Variants in SGMS1 observed in about 807,000 individuals in gnomAD.
SGMS1 encodes phosphatidylcholine:ceramide cholinephosphotransferase 1.
Under a neutral mutation model 46.2 loss-of-function variants are expected in SGMS1, and 13 were observed. The observed-to-expected ratio is 0.28, with a 90% CI of 0.18 to 0.45. The LOEUF (loss-of-function observed/expected upper bound fraction) is 0.45, where lower values mean the gene tolerates loss of function less well. SGMS1 is among the 20% of genes least tolerant of loss of function. SGMS1 has a pLI of 1.00. For synonymous variants in SGMS1, 203 were observed against 187.8 expected, an observed-to-expected ratio of 1.08 and a Z score of -0.66; for missense variants, 324 against 519.9, an observed-to-expected ratio of 0.62 and a Z score of 3.66.
At chr10:50,528,361 C>T (rs191626685) in intron 2 of SGMS1, among the ~76,000 whole-genome samples, 9 of 152,296 alleles carry the variant, frequency 5.9e-5, no homozygotes, top group African/African-American at 1.4e-4. Context: ...AAAAACCACT[C>T]GGGGGTTTGT....
chr10:50,371,195 T>C (rs946564364), intron 6 of SGMS1, among the ~76,000 whole-genome samples: 6 of 152,318 alleles, frequency 3.9e-5, no homozygotes, highest in Admixed American at 3.9e-4. Context: ...TATATAGGTT[T>C]TTTCATCTGT....
chr10:50,366,679 T>C (rs948106291), intron 6 of SGMS1, among the ~76,000 whole-genome samples: 2 of 152,142 alleles, frequency 1.3e-5, no homozygotes, highest in African/African-American at 4.8e-5. Flanking sequence ...GAAACGATCA[T>C]TCTCAGCAAA....
At chr10:50,383,352 T>C (rs1329794729) in intron 6 of SGMS1, among the ~76,000 whole-genome samples, 2 of 152,194 alleles carry the variant, frequency 1.3e-5, no homozygotes, top group African/African-American at 4.8e-5. Flanking sequence ...TTAAAAATAC[T>C]GCAGGATTTT....
intron 3 of SGMS1, among the ~76,000 whole-genome samples, chr10:50,470,783 A>T (rs1014102521): frequency 6.6e-6 from 1 of 152,146 alleles, no homozygotes; most frequent in South Asian, 2.1e-4. Context: ...CTCTCTCAAA[A>T]CTGCTGGCTG....
chr10:50,448,181 G>A (rs1421168143), intron 5 of SGMS1, among the ~76,000 whole-genome samples: 1 of 152,106 alleles, frequency 6.6e-6, no homozygotes, highest in Non-Finnish European at 1.5e-5. Flanking sequence ...CCAAGAGGTG[G>A]ATGGAGGCTG....
rs190677224 is a variant in SGMS1, at chr10:50,556,154, G to T, written c.-589+33999C>A. On this transcript the variant is annotated intron_variant, in intron 2 of 10. Transcript: ENST00000361781. ...CAACAGCCTCCTAATACAACTCTCG[G>T]TCACCAATCTTACCTGTCTCCTAGC... 1.4e-3 allele frequency among the ~76,000 whole-genome samples: 206 copies of T among 152,216 alleles called. 2 individuals are homozygous for T. The highest frequency in any genetic ancestry group is 1.3e-4 in the Non-Finnish European group (9 of 68,024).
At chr10:50,383,026 C>T (rs1207376190) in intron 6 of SGMS1, among the ~76,000 whole-genome samples, 1 of 152,038 alleles carries the variant, frequency 6.6e-6, no homozygotes, top group Non-Finnish European at 1.5e-5. Context: ...ACAATAGAGT[C>T]TTAAGAAGAA....
chr10:50,546,102 T>G (rs761511396), intron 2 of SGMS1, among the ~76,000 whole-genome samples: 5 of 152,176 alleles, frequency 3.3e-5, no homozygotes, highest in Admixed American at 3.3e-4. Flanking sequence ...GACTGCTTGA[T>G]GGCCACCAGG....
chr10:50,453,717 C>T (rs1271764418), intron 5 of SGMS1, among the ~76,000 whole-genome samples: 1 of 141,500 alleles, frequency 7.1e-6, no homozygotes, highest in Non-Finnish European at 1.5e-5. Context: ...TATTTAGGCC[C>T]AGAAAACCCA....
intron 5 of SGMS1, among the ~76,000 whole-genome samples, chr10:50,449,773 G>C (rs1313425146): frequency 6.6e-6 from 1 of 151,706 alleles, no homozygotes; most frequent in Non-Finnish European, 1.5e-5. Context: ...TCACCACTTA[G>C]CATACATGTA....
At chr10:50,524,516 C>T (rs914609806) in intron 2 of SGMS1, among the ~76,000 whole-genome samples, 2 of 152,180 alleles carry the variant, frequency 1.3e-5, no homozygotes, top group Non-Finnish European at 2.9e-5. Context: ...TGGGTTAGTG[C>T]CCCAGCCCTA....
intron 3 of SGMS1, among the ~76,000 whole-genome samples, chr10:50,509,513 A>T (rs1165598354): frequency 6.6e-6 from 1 of 152,232 alleles, no homozygotes; most frequent in Admixed American, 6.5e-5. Flanking sequence ...GGATCTGAAA[A>T]GTCAACTCTT....
chr10:50,465,625 A>C (rs1033357949), intron 4 of SGMS1, among the ~76,000 whole-genome samples: 4 of 152,160 alleles, frequency 2.6e-5, no homozygotes, highest in Non-Finnish European at 5.9e-5. Flanking sequence ...GCTAAGAGTA[A>C]GACTTAAGAA....
intron 2 of SGMS1, among the ~76,000 whole-genome samples, chr10:50,526,750 G>C (rs10826149): frequency 0.31 from 47,178 of 151,886 alleles, 8,053 homozygotes; most frequent in East Asian, 0.64. Flanking sequence ...AGGTCAATGA[G>C]AGTAATATAA....
At chr10:50,426,716 C>T (rs61856787) in intron 6 of SGMS1, among the ~76,000 whole-genome samples, 28,931 of 152,160 alleles carry the variant, frequency 0.19, 2,987 homozygotes, top group Admixed American at 0.24. Flanking sequence ...GAAAGGGGAA[C>T]AGCTAAGTCA....
intron 3 of SGMS1, chr10:50,474,093 C>T (rs1837400118): frequency 6.6e-6 from 1 of 152,206 alleles, no homozygotes; most frequent in Admixed American, 6.5e-5. Context: ...GAAGCCAGTT[C>T]CCAACCTGAG....
intron 2 of SGMS1, among the ~76,000 whole-genome samples, chr10:50,586,330 A>G (rs1332987682): frequency 2.6e-5 from 4 of 152,142 alleles, no homozygotes; most frequent in African/African-American, 9.7e-5. Flanking sequence ...AACCCCATTC[A>G]TTTCAGTCAC....
At chr10:50,565,115 T>G (rs1004839331) in intron 2 of SGMS1, among the ~76,000 whole-genome samples, 27 of 152,274 alleles carry the variant, frequency 1.8e-4, no homozygotes, top group African/African-American at 6.3e-4. Context: ...CTTTGTCAGT[T>G]TTTTATTAAA....
intron 6 of SGMS1, among the ~76,000 whole-genome samples, chr10:50,349,061 TGGCAAGCAC>T (rs1194549349): frequency 5.9e-5 from 9 of 152,338 alleles, no homozygotes; most frequent in African/African-American, 2.2e-4. Flanking sequence ...ATTACAAGCA[TGGCAAGCAC>T]ATATCTAACA....
Sources: allele counts gnomAD v4.1 joint callset (sites outside exome capture counted in the v4.1 genomes callset), GRCh38; gene constraint gnomAD v4.1.1; transcripts MANE v1.5; gene names NCBI Gene and HGNC (gene_info 2026-07-23, HGNC 2026-07-21).